C11orf65: variants seen among roughly 807,000 people sequenced by gnomAD.
The protein encoded by C11orf65 is protein MFI.
In C11orf65, 38 loss-of-function variants were observed where a neutral mutation model predicts 35.3. That is an observed-to-expected ratio of 1.08 (90% CI 0.83 to 1.41). C11orf65 has a LOEUF of 1.41. Ranked by LOEUF, C11orf65 falls within the 40% of genes most tolerant of loss-of-function variation. The pLI, the probability that C11orf65 is intolerant of heterozygous loss-of-function variation, is 0.00. For missense variants in C11orf65, 370 were observed against 367.1 expected (o/e 1.01, Z -0.06); for synonymous variants, 105 against 114.4 (o/e 0.92, Z 0.53).
chr11:108,321,045 G>C (rs936038090), intron 6 of C11orf65, among the ~76,000 whole-genome samples: 19 of 152,184 alleles, frequency 1.2e-4, no homozygotes, highest in Non-Finnish European at 2.9e-5. Flanking sequence ...TAAGGAGGAA[G>C]GGTTGGTCTT....
chr11:108,415,906 G>A (rs1481740142), intron 3 of C11orf65, among the ~76,000 whole-genome samples: 2 of 151,864 alleles, frequency 1.3e-5, no homozygotes, highest in Non-Finnish European at 2.9e-5. Flanking sequence ...TGGACATTGC[G>A]GGAATCCACG....
intron 2 of C11orf65, chr11:108,336,188 T>G: frequency 2.3e-6 from 1 of 440,558 alleles, no homozygotes; most frequent in Admixed American, 3.7e-5. Flanking sequence ...TTGTAGTCCC[T>G]TAGCTACATG....
chr11:108,442,939 T>C (rs959960203), intron 2 of C11orf65, among the ~76,000 whole-genome samples: 3 of 152,132 alleles, frequency 2.0e-5, no homozygotes, highest in Non-Finnish European at 2.9e-5. Context: ...GCTAACATCA[T>C]AATGACAGGA....
In C11orf65 at chr11:108,382,898, T is replaced by G; in HGVS notation, c.*123A>C. On this transcript the variant is annotated 3_prime_UTR_variant, in exon 9 of 9. Coordinates refer to ENST00000393084, the MANE Select transcript of C11orf65 (RefSeq NM_152587.5). ...TTCTGCTCAATCTTCCTTACTTAAC[T>G]GAGCTAGATTCTGTGCCCAGAATAT... The G allele has an allele frequency of 6.5e-7, 1 of 1,539,866 alleles. No homozygotes were observed. Among genetic ancestry groups the G allele is most frequent in the Non-Finnish European group, 8.7e-7 (1 of 1,155,166 alleles).
chr11:108,330,475 A>T (rs2136469461), downstream of C11orf65: 1 of 1,566,872 alleles, frequency 6.4e-7, no homozygotes, highest in South Asian at 1.1e-5. Flanking sequence ...CTTAGACATA[A>T]GCCCCTTGAT....
At chr11:108,371,377 C>G (rs1386454258) in intron 2 of C11orf65, among the ~76,000 whole-genome samples, 7 of 152,190 alleles carry the variant, frequency 4.6e-5, no homozygotes, top group African/African-American at 1.7e-4. Context: ...CATTAAACAA[C>G]TCCCCACTCC....
At chr11:108,466,917 T>G (rs1046420371) in intron 1 of C11orf65, among the ~76,000 whole-genome samples, 1 of 152,236 alleles carries the variant, frequency 6.6e-6, no homozygotes. Context: ...TCGCGTGGCC[T>G]TTATAAGTTT....
At chr11:108,432,630 T>A (rs1467099345) in intron 2 of C11orf65, among the ~76,000 whole-genome samples, 1 of 152,170 alleles carries the variant, frequency 6.6e-6, no homozygotes, top group Non-Finnish European at 1.5e-5. Flanking sequence ...CCACTCCCCA[T>A]TTGCTTATGT....
intron 3 of C11orf65, among the ~76,000 whole-genome samples, chr11:108,422,491 T>C (rs1352408927): frequency 6.6e-6 from 1 of 152,106 alleles, no homozygotes; most frequent in Admixed American, 6.5e-5. Flanking sequence ...GGCCACCTGA[T>C]TTAATTATTT....
chr11:108,378,341 T>A (rs1178582740), downstream of C11orf65, among the ~76,000 whole-genome samples: 833 of 144,126 alleles, frequency 5.8e-3, 8 homozygotes, highest in African/African-American at 0.019. Context: ...TCTACAACTA[T>A]CTGATCTTTG....
At chr11:108,437,851 C>CA (rs1172993964) in intron 2 of C11orf65, among the ~76,000 whole-genome samples, 2 of 150,458 alleles carry the variant, frequency 1.3e-5, no homozygotes, top group Non-Finnish European at 2.9e-5. Context: ...AATCACTATC[C>CA]AAAATCCCAA....
At chr11:108,408,966 T>G (rs1360477915) in intron 3 of C11orf65, among the ~76,000 whole-genome samples, 1 of 152,006 alleles carries the variant, frequency 6.6e-6, no homozygotes, top group African/African-American at 2.4e-5. Context: ...AATTCAAATA[T>G]GAAGTGTGAG....
intron 2 of C11orf65, among the ~76,000 whole-genome samples, chr11:108,444,485 T>C (rs2093217574): frequency 6.6e-6 from 1 of 152,166 alleles, no homozygotes; most frequent in Non-Finnish European, 1.5e-5. Context: ...AACATCATCC[T>C]GACACCAAAG....
At chr11:108,357,260 G>A (rs1184198072) in intron 2 of C11orf65, among the ~76,000 whole-genome samples, 7 of 152,220 alleles carry the variant, frequency 4.6e-5, no homozygotes, top group African/African-American at 7.2e-5. Flanking sequence ...GGCGCACCAC[G>A]AGATTATATC....
At chr11:108,399,952 C>T (rs1011904534) in intron 6 of C11orf65, among the ~76,000 whole-genome samples, 42 of 152,302 alleles carry the variant, frequency 2.8e-4, no homozygotes, top group African/African-American at 9.9e-4. Flanking sequence ...TGCTGTGATT[C>T]TCCCATTAGG....
chr11:108,450,724 T>G (rs929459954), intron 2 of C11orf65, among the ~76,000 whole-genome samples: 2 of 151,408 alleles, frequency 1.3e-5, no homozygotes, highest in Admixed American at 1.3e-4. Flanking sequence ...TGTATACATA[T>G]GTAAGAAACC....
At chr11:108,372,681 T>C (rs2091604632) in intron 2 of C11orf65, among the ~76,000 whole-genome samples, 1 of 152,126 alleles carries the variant, frequency 6.6e-6, no homozygotes, top group African/African-American at 2.4e-5. Flanking sequence ...CAGAAAATAA[T>C]TGTGGTAAGT....
At chr11:108,465,982 TA>T (rs1162955302) in intron 1 of C11orf65, among the ~76,000 whole-genome samples, 1,476 of 126,064 alleles carry the variant, frequency 0.012, 17 homozygotes, top group African/African-American at 0.032. Context: ...AAACTCGGTC[TA>T]AAAAAAAAAA....
At chr11:108,387,822 T>C (rs764828890) in intron 7 of C11orf65, among the ~76,000 whole-genome samples, 2 of 152,200 alleles carry the variant, frequency 1.3e-5, no homozygotes, top group African/African-American at 2.4e-5. Context: ...GCCACTGCAC[T>C]TGGCCTATCC....
Sources: gnomAD v4.1 joint callset for allele counts (sites outside exome capture counted in the v4.1 genomes callset) on GRCh38, gnomAD v4.1.1 for gene constraint, MANE v1.5 for transcripts, NCBI Gene and HGNC (gene_info 2026-07-23, HGNC 2026-07-21) for gene names.